Variants in DCT observed in about 807,000 individuals in gnomAD.
DCT encodes dopachrome tautomerase.
DCT carries 47 observed loss-of-function variants against 53.0 expected under a neutral mutation model. That is an observed-to-expected ratio of 0.89 (90% CI 0.70 to 1.13). The LOEUF (loss-of-function observed/expected upper bound fraction) is 1.13, where lower values mean the gene tolerates loss of function less well. Ranked by LOEUF, DCT falls within the 50% of genes most tolerant of loss-of-function variation. DCT has a pLI of 0.00. For synonymous variants in DCT, 244 were observed against 237.0 expected (o/e 1.03, Z -0.27); for missense variants, 669 against 637.4 (o/e 1.05, Z -0.53).
the DCT span, among the ~76,000 whole-genome samples, chr13:94,547,623 C>G: frequency 6.6e-6 from 1 of 151,914 alleles, no homozygotes; most frequent in Non-Finnish European, 1.5e-5. Context: ...CACTATCACC[C>G]CAGAACCTGC....
chr13:94,509,336 T>A, the DCT span, among the ~76,000 whole-genome samples: 1 of 152,282 alleles, frequency 6.6e-6, no homozygotes, highest in East Asian at 1.9e-4. Flanking sequence ...ATCTCCTGGC[T>A]GTGGCAGTCA....
At position 94,478,964 on chromosome 13, in the gene DCT, T is replaced by A; in HGVS notation, c.292A>T (p.Thr98Ser). The A allele has an allele frequency of 6.2e-7, 1 of 1,608,074 alleles. No individual in the cohort carries two copies. The highest frequency in any genetic ancestry group is 8.5e-7 in the Non-Finnish European group (1 of 1,175,890). The change falls in exon 1 of 8, where the codon ACA (threonine) becomes TCA (serine). Residue 98 changes from threonine to serine, a missense_variant. Coordinates refer to ENST00000377028, the MANE Select transcript of DCT (RefSeq NM_001922.5). ...RKFFHRTCKC[T>S]GNFAGYNCGD... ...AAGCTTGGAGCATGGGCCTCACCTGTGCACTTGCAGGTCCGGTGGAAGAAT... is the reference window on the plus strand; with the variant it reads ...AAGCTTGGAGCATGGGCCTCACCTGAGCACTTGCAGGTCCGGTGGAAGAAT...
chr13:94,464,708 G>A (rs1265168463), intron 4 of DCT, among the ~76,000 whole-genome samples: 1 of 152,002 alleles, frequency 6.6e-6, no homozygotes, highest in African/African-American at 2.4e-5. Flanking sequence ...AAAGGAAGGT[G>A]AGGTGAGGAG....
the DCT span, among the ~76,000 whole-genome samples, chr13:94,536,920 G>A: frequency 6.6e-6 from 1 of 152,010 alleles, no homozygotes; most frequent in African/African-American, 2.4e-5. Context: ...CTCCAACCTG[G>A]GCAACAGAGA....
At chr13:94,508,873 G>C in the DCT span, among the ~76,000 whole-genome samples, 120 of 152,194 alleles carry the variant, frequency 7.9e-4, no homozygotes, top group African/African-American at 2.7e-3. Context: ...CCAACTCTCA[G>C]AGAAGAAGAA....
chr13:94,453,609 T>C (rs1883233445), intron 6 of DCT, among the ~76,000 whole-genome samples: 1 of 152,204 alleles, frequency 6.6e-6, no homozygotes, highest in Non-Finnish European at 1.5e-5. Context: ...AAATCTCATC[T>C]TGAATTGTAG....
chr13:94,458,893 T>C (rs1251335581), intron 6 of DCT, among the ~76,000 whole-genome samples: 1 of 152,100 alleles, frequency 6.6e-6, no homozygotes, highest in African/African-American at 2.4e-5. Context: ...GTTTTTGTTT[T>C]TGAAACAGGG....
the DCT span, among the ~76,000 whole-genome samples, chr13:94,527,328 A>C: frequency 6.6e-6 from 1 of 152,174 alleles, no homozygotes; most frequent in African/African-American, 2.4e-5. Context: ...CTGCCTCCTC[A>C]AGTGGGTCCC....
rs1240002510 is a variant in DCT, at chr13:94,440,041, G to A, written c.1417C>T (p.Leu473Phe). The A allele has an allele frequency of 1.9e-6, 3 of 1,614,052 alleles. No individual in the cohort carries two copies. In the Admixed American group the frequency reaches 5.0e-5, roughly 27 times the overall value. The change falls in exon 8 of 8, where the codon CTC becomes TTC. Residue 473 changes from leucine (L) to phenylalanine (F), a missense_variant. Leu to Phe is a conservative substitution (Grantham distance 22). Coordinates refer to ENST00000377028, the MANE Select transcript of DCT (RefSeq NM_001922.5). ...ACCAGTGTTCCCATGACTACTAAGA[G>A]AGTTGTGGGCCAACCTGGAGTTTCT... is the stretch of plus-strand genomic sequence containing the variant. ...VEETPGWPTT[L>F]LVVMGTLVAL...
the DCT span, among the ~76,000 whole-genome samples, chr13:94,539,520 C>T: frequency 2.0e-5 from 3 of 152,062 alleles, no homozygotes; most frequent in Non-Finnish European, 4.4e-5. Flanking sequence ...GCTAAACCTG[C>T]GCAACAAATC....
the DCT span, among the ~76,000 whole-genome samples, chr13:94,532,878 C>G: frequency 1.3e-5 from 2 of 152,168 alleles, no homozygotes. Context: ...CCTTTCTCCC[C>G]CATTCCCTTT....
intron 6 of DCT, among the ~76,000 whole-genome samples, chr13:94,446,385 T>C (rs1882735371): frequency 6.6e-6 from 1 of 152,210 alleles, no homozygotes; most frequent in Non-Finnish European, 1.5e-5. Context: ...GGGTGGGGCC[T>C]GCAAGCACCT....
chr13:94,531,068 G>A, the DCT span, among the ~76,000 whole-genome samples: 1 of 152,070 alleles, frequency 6.6e-6, no homozygotes, highest in Non-Finnish European at 1.5e-5. Context: ...AAATACCTGG[G>A]AATCCAACTT....
intron 1 of DCT, among the ~76,000 whole-genome samples, chr13:94,470,144 T>C (rs562655745): frequency 6.6e-6 from 1 of 152,218 alleles, no homozygotes; most frequent in South Asian, 2.1e-4. Flanking sequence ...AATAAATACA[T>C]AAATTAACTG....
chr13:94,515,558 A>C, the DCT span, among the ~76,000 whole-genome samples: 1 of 152,220 alleles, frequency 6.6e-6, no homozygotes, highest in Non-Finnish European at 1.5e-5. Context: ...CCAAGCTGCT[A>C]TGTGTATTCC....
chr13:94,493,430 G>C, the DCT span, among the ~76,000 whole-genome samples: 2 of 152,178 alleles, frequency 1.3e-5, no homozygotes, highest in Non-Finnish European at 2.9e-5. Flanking sequence ...CTGTGAGAAA[G>C]GAATTCCCAA....
At chr13:94,472,576 T>A (rs1884811349) in intron 1 of DCT, among the ~76,000 whole-genome samples, 2 of 41,476 alleles carry the variant, frequency 4.8e-5, no homozygotes, top group Non-Finnish European at 1.1e-4. Flanking sequence ...ATATTTTTTT[T>A]TTTTTTTTTT....
chr13:94,530,057 T>A, the DCT span, among the ~76,000 whole-genome samples: 1 of 152,234 alleles, frequency 6.6e-6, no homozygotes. Flanking sequence ...CCTGGACACA[T>A]ACACCCTCCC....
At chr13:94,476,022 C>A (rs1351471683) in intron 1 of DCT, among the ~76,000 whole-genome samples, 1 of 152,148 alleles carries the variant, frequency 6.6e-6, no homozygotes, top group Non-Finnish European at 1.5e-5. Context: ...CAGGGCCAGG[C>A]CGGGCCTTGA....
Sources: allele counts gnomAD v4.1 joint callset (sites outside exome capture counted in the v4.1 genomes callset), GRCh38; gene constraint gnomAD v4.1.1; transcripts MANE v1.5; gene names NCBI Gene and HGNC (gene_info 2026-07-23, HGNC 2026-07-21).